RPRD1A: variants seen among roughly 807,000 people sequenced by gnomAD.
RPRD1A encodes regulation of nuclear pre-mRNA domain containing 1A.
RPRD1A carries 9 observed loss-of-function variants against 37.8 expected under a neutral mutation model. The observed-to-expected ratio is 0.24, with a 90% CI of 0.14 to 0.42. The LOEUF (loss-of-function observed/expected upper bound fraction) is 0.42. Among genes scored for constraint, RPRD1A ranks in the 10% least tolerant of loss-of-function variants. The pLI, the probability that RPRD1A is intolerant of heterozygous loss-of-function variation, is 1.00. For synonymous variants in RPRD1A, 138 were observed against 139.7 expected, an observed-to-expected ratio of 0.99 and a Z score of 0.08; for missense variants, 255 against 371.0, an observed-to-expected ratio of 0.69 and a Z score of 2.57.
At chr18:36,004,000 CTT>C (rs34397005) in intron 6 of RPRD1A, among the ~76,000 whole-genome samples, 196 of 85,166 alleles carry the variant, frequency 2.3e-3, no homozygotes, top group African/African-American at 8.7e-3. Flanking sequence ...CAGACACAGA[CTT>C]TTTTTTTTTT....
At chr18:36,008,475 C>A (rs2056906458) in intron 6 of RPRD1A, among the ~76,000 whole-genome samples, 1 of 148,274 alleles carries the variant, frequency 6.7e-6, no homozygotes, top group Admixed American at 6.8e-5. Flanking sequence ...ATTCAGGAGG[C>A]TGAGTAGTGA....
intron 6 of RPRD1A, among the ~76,000 whole-genome samples, chr18:36,015,757 T>C (rs1287616498): frequency 6.6e-6 from 1 of 152,134 alleles, no homozygotes; most frequent in Non-Finnish European, 1.5e-5. Flanking sequence ...ATATAAGGTA[T>C]CCGGAATAGC....
intron 6 of RPRD1A, among the ~76,000 whole-genome samples, chr18:35,996,017 A>C (rs927168812): frequency 3.9e-5 from 6 of 152,316 alleles, no homozygotes; most frequent in African/African-American, 9.6e-5. Flanking sequence ...GAAGCAGAAC[A>C]ACCAAATCTA....
intron 1 of RPRD1A, among the ~76,000 whole-genome samples, chr18:36,065,195 G>A (rs1014129401): frequency 1.3e-5 from 2 of 152,148 alleles, no homozygotes; most frequent in African/African-American, 2.4e-5. Flanking sequence ...CCACTATCTT[G>A]GAATATGGTG....
chr18:36,027,193 T>C lies in RPRD1A; in HGVS notation c.604A>G (p.Lys202Glu). ...CATTTTCTTTTCTTACCTGTTATTT[T>C]ATCTAATAGAGATACTTCTTGGACT... The part of the protein sequence containing the change: ...VEVQEVSLLD[K>E]ITDKESGERL... The change falls in exon 5 of 7, where the codon AAA (lysine) becomes GAA (glutamate). Residue 202 changes from lysine to glutamate, a missense_variant. Lys to Glu is a moderately conservative substitution (Grantham distance 56). This residue lies in a region of RPRD1A where 211 missense variants were observed against 268.9 expected (regional missense o/e 0.78). Transcript: ENST00000399022. 1.2e-6 allele frequency: 2 copies of C among 1,613,844 alleles called. No homozygotes were observed. Among genetic ancestry groups the C allele is most frequent in the Non-Finnish European group, 8.5e-7 (1 of 1,179,788 alleles).
chr18:36,040,770 GTACT>G, intron 1 of RPRD1A: 1 of 1,266,104 alleles, frequency 7.9e-7, no homozygotes, highest in African/African-American at 1.5e-5. Context: ...TAGGCAAGTG[GTACT>G]TACATAGAAG....
chr18:36,032,922 C>T (rs1911903842), intron 2 of RPRD1A, among the ~76,000 whole-genome samples: 1 of 152,046 alleles, frequency 6.6e-6, no homozygotes, highest in Non-Finnish European at 1.5e-5. Context: ...AAAAAAAAAT[C>T]TGGACTGGAG....
At chr18:36,049,695 GTTTATT>G (rs1403874306) in intron 1 of RPRD1A, among the ~76,000 whole-genome samples, 2 of 152,236 alleles carry the variant, frequency 1.3e-5, no homozygotes, top group East Asian at 3.9e-4. Flanking sequence ...ACTACATTAT[GTTTATT>G]CATTTATCTG....
rs892381176 is a variant in RPRD1A at position 36,019,208 on chromosome 18, C to T, written c.789+7692G>A. 1.5e-4 allele frequency among the ~76,000 whole-genome samples: 22 copies of T among 150,266 alleles called. 1 individual carries two copies. The South Asian group carries it at 3.6e-3, about 24-fold the overall frequency. On this transcript the variant is annotated intron_variant, in intron 6 of 6. Coordinates refer to ENST00000399022, the MANE Select transcript of RPRD1A (RefSeq NM_018170.5). ...CTGCAAGCTCCACCTCCCGGGTTCACGCCATTCTCCTGCCTCAGTCTCCCG... is the reference window on the plus strand; with the variant it reads ...CTGCAAGCTCCACCTCCCGGGTTCATGCCATTCTCCTGCCTCAGTCTCCCG...
At chr18:36,008,933 G>T (rs73946755) in intron 6 of RPRD1A, among the ~76,000 whole-genome samples, 4,478 of 152,104 alleles carry the variant, frequency 0.029, 211 homozygotes, top group African/African-American at 0.1. Context: ...AAGAAGTGAA[G>T]ATACTCTCAG....
chr18:36,058,245 G>A (rs1051198469), intron 1 of RPRD1A, among the ~76,000 whole-genome samples: 4 of 151,990 alleles, frequency 2.6e-5, no homozygotes, highest in Non-Finnish European at 5.9e-5. Context: ...GTTTTGCCAC[G>A]TTACCCAGGC....
intron 6 of RPRD1A, among the ~76,000 whole-genome samples, chr18:36,012,237 T>C (rs918217723): frequency 2.0e-5 from 3 of 152,222 alleles, no homozygotes; most frequent in Admixed American, 6.5e-5. Context: ...CACAATGCAT[T>C]ACTCATGTGT....
rs1231310336 is a variant in RPRD1A, at chr18:35,990,596, C to T, written c.*2555G>A. ...TTGTGACTCCAGACAGCTCTCTGCA[C>T]TGTATGTGGAGAAAAGAGTGATGGC... is the stretch of plus-strand genomic sequence containing the variant. On this transcript the variant is annotated 3_prime_UTR_variant, in exon 7 of 7. Transcript: ENST00000399022. 6.6e-6 allele frequency: 1 copy of T among 152,172 alleles called. No individual in the cohort carries two copies. The highest frequency in any genetic ancestry group is 6.5e-5 in the Admixed American group (1 of 15,272). The allele number at this position is 152,172 out of a possible 1,614,324, so 9.4% of individuals were successfully genotyped here.
At chr18:36,001,363 C>T (rs1221490741) in intron 6 of RPRD1A, among the ~76,000 whole-genome samples, 1 of 152,032 alleles carries the variant, frequency 6.6e-6, no homozygotes, top group Non-Finnish European at 1.5e-5. Flanking sequence ...AAGAAATGAC[C>T]CTCCATAATC....
At chr18:36,052,389 TAAGTA>T (rs1463843799) in intron 1 of RPRD1A, among the ~76,000 whole-genome samples, 1 of 151,994 alleles carries the variant, frequency 6.6e-6, no homozygotes, top group Non-Finnish European at 1.5e-5. Context: ...GGTAACTCCC[TAAGTA>T]AATATAAAAG....
intron 1 of RPRD1A, among the ~76,000 whole-genome samples, chr18:36,047,092 A>C (rs1913012081): frequency 6.6e-6 from 1 of 152,012 alleles, no homozygotes; most frequent in African/African-American, 2.4e-5. Context: ...ATGGTGGCTC[A>C]TACCTGTAGT....
intron 1 of RPRD1A, among the ~76,000 whole-genome samples, chr18:36,035,374 T>G (rs1284601027): frequency 6.6e-6 from 1 of 152,216 alleles, no homozygotes; most frequent in Non-Finnish European, 1.5e-5. Flanking sequence ...TTTACATACA[T>G]TATCTCAATC....
chr18:36,033,768 C>CCCTT lies in RPRD1A; in HGVS notation c.217_220dup (p.Gly74GlufsTer18). 1 of 1,613,408 alleles carries CCCTT rather than the reference C, an allele frequency of 6.2e-7. No individual in the cohort carries two copies. Among genetic ancestry groups the CCCTT allele is most frequent in the Non-Finnish European group, 8.5e-7 (1 of 1,179,548 alleles). On this transcript the variant is annotated frameshift_variant, in exon 2 of 7. Coordinates refer to ENST00000399022, the MANE Select transcript of RPRD1A (RefSeq NM_018170.5). LOFTEE classifies it high-confidence loss of function. ...TGCAAAATCTTTTGTAAACTCTGGC[C>CCCTT]CCTTCCTCTTGCTGTTCTGTATGAC...
chr18:36,008,393 CACA>C (rs1333331366), intron 6 of RPRD1A, among the ~76,000 whole-genome samples: 1 of 151,260 alleles, frequency 6.6e-6, no homozygotes, highest in African/African-American at 2.4e-5. Context: ...GCCTGGGCAA[CACA>C]ACAAGATCTC....
Sources: allele counts gnomAD v4.1 joint callset (sites outside exome capture counted in the v4.1 genomes callset), GRCh38; gene constraint gnomAD v4.1.1; regional missense constraint gnomAD v4.1.1; transcripts MANE v1.5; gene names NCBI Gene and HGNC (gene_info 2026-07-23, HGNC 2026-07-21).